The following NHERF1 variants were observed in gnomAD, a reference collection of about 807,000 sequenced individuals.
NHERF1 encodes Na(+)/H(+) exchange regulatory cofactor NHE-RF1.
At chr17:74,757,837 G>A in the NHERF1 span, among the ~76,000 whole-genome samples, 1 of 152,192 alleles carries the variant, frequency 6.6e-6, no homozygotes, top group Non-Finnish European at 1.5e-5. Flanking sequence ...CCTGTATTGG[G>A]CATGGGGCAC....
chr17:74,768,299 G>A, the NHERF1 span: 1 of 1,418,080 alleles, frequency 7.1e-7, no homozygotes, highest in East Asian at 2.3e-5. Context: ...GGCCCCACTT[G>A]TTCCTGGCAC....
chr17:74,753,879 G>A, the NHERF1 span, among the ~76,000 whole-genome samples: 4 of 151,910 alleles, frequency 2.6e-5, no homozygotes, highest in Admixed American at 1.3e-4. Flanking sequence ...GGCCAGGCAC[G>A]GTGGCTCACG....
chr17:74,760,355 G>A, the NHERF1 span, among the ~76,000 whole-genome samples: 1 of 152,292 alleles, frequency 6.6e-6, no homozygotes, highest in Non-Finnish European at 1.5e-5. This position sits in a 1 kb window ranked among gnomAD's most constrained non-coding sequence, Gnocchi z 4.5. Flanking sequence ...AGCCACTCAC[G>A]TTTTTACCAC....
the NHERF1 span, among the ~76,000 whole-genome samples, chr17:74,749,450 C>A: frequency 2.6e-5 from 4 of 152,180 alleles, no homozygotes; most frequent in Non-Finnish European, 1.5e-5. The surrounding 1 kb of genome is among the most constrained non-coding windows in gnomAD (Gnocchi z 5.6). Context: ...CCTGACACAT[C>A]CTAGGCAGGC....
the NHERF1 span, among the ~76,000 whole-genome samples, chr17:74,749,765 C>G: frequency 1.3e-5 from 2 of 152,178 alleles, no homozygotes; most frequent in Non-Finnish European, 2.9e-5. This position sits in a 1 kb window ranked among gnomAD's most constrained non-coding sequence, Gnocchi z 5.6. Context: ...TAGCATTACT[C>G]CTCCTGTGTG....
At chr17:74,756,226 G>C in the NHERF1 span, among the ~76,000 whole-genome samples, 1 of 146,378 alleles carries the variant, frequency 6.8e-6, no homozygotes, top group Non-Finnish European at 1.5e-5. Flanking sequence ...TGGGATTACA[G>C]GCATGAGCCA....
the NHERF1 span, among the ~76,000 whole-genome samples, chr17:74,757,622 C>T: frequency 6.6e-6 from 1 of 151,904 alleles, no homozygotes; most frequent in African/African-American, 2.4e-5. Context: ...CCAGCTGTCT[C>T]CATCCTGGCT....
the NHERF1 span, chr17:74,768,438 C>G: frequency 6.8e-6 from 11 of 1,613,110 alleles, no homozygotes; most frequent in East Asian, 8.9e-5. Context: ...GGACTGACTC[C>G]CAACTTCCTG....
the NHERF1 span, chr17:74,762,214 C>T: frequency 7.5e-6 from 12 of 1,607,384 alleles, no homozygotes; most frequent in East Asian, 2.5e-4. This position sits in a 1 kb window ranked among gnomAD's most constrained non-coding sequence, Gnocchi z 4.2. Context: ...TGCCCCCACC[C>T]CCTGCAGATC....
chr17:74,762,003 T>A, the NHERF1 span: 5 of 1,613,802 alleles, frequency 3.1e-6, no homozygotes, highest in South Asian at 5.5e-5. The surrounding 1 kb of genome is among the most constrained non-coding windows in gnomAD (Gnocchi z 4.2). Context: ...CCCTCCCCTG[T>A]CCCTGCAGCG....
the NHERF1 span, among the ~76,000 whole-genome samples, chr17:74,758,739 C>T: frequency 6.6e-6 from 1 of 152,204 alleles, no homozygotes. The surrounding 1 kb of genome is among the most constrained non-coding windows in gnomAD (Gnocchi z 4.3). Flanking sequence ...TCCCATTTAT[C>T]CCCTTTCCCC....
At chr17:74,766,895 A>G in the NHERF1 span, 2 of 1,607,894 alleles carry the variant, frequency 1.2e-6, no homozygotes, top group Non-Finnish European at 1.7e-6. Flanking sequence ...GCTCTATTCC[A>G]TCCCCGTTCT....
At chr17:74,765,062 C>A in the NHERF1 span, among the ~76,000 whole-genome samples, 3 of 152,090 alleles carry the variant, frequency 2.0e-5, no homozygotes, top group African/African-American at 7.2e-5. Context: ...GGAACAGCCA[C>A]CCCTGAAGCC....
chr17:74,753,885 T>C, the NHERF1 span, among the ~76,000 whole-genome samples: 1 of 152,082 alleles, frequency 6.6e-6, no homozygotes, highest in Non-Finnish European at 1.5e-5. Context: ...GCACGGTGGC[T>C]CACGCCTGTA....
chr17:74,769,150 G>A, the NHERF1 span: 1 of 158,082 alleles, frequency 6.3e-6, no homozygotes, highest in African/African-American at 2.4e-5. Context: ...GAGTCTAGAG[G>A]AATTTTTGTT....
At chr17:74,758,691 G>A in the NHERF1 span, among the ~76,000 whole-genome samples, 1 of 151,730 alleles carries the variant, frequency 6.6e-6, no homozygotes, top group African/African-American at 2.4e-5. The surrounding 1 kb of genome is among the most constrained non-coding windows in gnomAD (Gnocchi z 4.3). Context: ...CTAAGATCCT[G>A]GGGGCCACAC....
At chr17:74,748,758 C>G in the NHERF1 span, 2 of 1,229,928 alleles carry the variant, frequency 1.6e-6, no homozygotes, top group Admixed American at 4.5e-5. This position sits in a 1 kb window ranked among gnomAD's most constrained non-coding sequence, Gnocchi z 4.3. Context: ...GCTGCGCTCC[C>G]GGTTCGCTGG....
chr17:74,760,658 C>A, the NHERF1 span, among the ~76,000 whole-genome samples: 1 of 152,194 alleles, frequency 6.6e-6, no homozygotes, highest in African/African-American at 2.4e-5. This position sits in a 1 kb window ranked among gnomAD's most constrained non-coding sequence, Gnocchi z 4.5. Context: ...GGCACACACA[C>A]CCCCACCCCA....
the NHERF1 span, among the ~76,000 whole-genome samples, chr17:74,758,016 C>T: frequency 2.0e-4 from 30 of 152,210 alleles, no homozygotes; most frequent in Admixed American, 2.0e-3. This position sits in a 1 kb window ranked among gnomAD's most constrained non-coding sequence, Gnocchi z 4.3. Context: ...TGGGCTGTTT[C>T]TGTAGGGCCC....
Sources: gnomAD v4.1 joint callset for allele counts (sites outside exome capture counted in the v4.1 genomes callset) on GRCh38, gnomAD v4.1.1 for gene constraint, Gnocchi (gnomAD v3.1) non-coding constraint, MANE v1.5 for transcripts, NCBI Gene and HGNC (gene_info 2026-07-23, HGNC 2026-07-21) for gene names.